NEGR1: variants seen among roughly 807,000 people sequenced by gnomAD.
The protein encoded by NEGR1 is neuronal growth regulator 1.
A neutral mutation model predicts 40.9 loss-of-function variants in NEGR1; 10 were observed. The ratio of observed to expected loss-of-function variants is 0.24; its 90% confidence interval spans 0.15 to 0.42. The LOEUF is 0.42. Among genes scored for constraint, NEGR1 ranks in the 10% least tolerant of loss-of-function variants. The pLI, the probability that NEGR1 is intolerant of heterozygous loss-of-function variation, is 1.00. For missense variants in NEGR1, 352 were observed against 438.9 expected (o/e 0.80, Z 1.77); for synonymous variants, 185 against 166.8 (o/e 1.11, Z -0.84).
intron 6 of NEGR1, among the ~76,000 whole-genome samples, chr1:71,457,937 C>T (rs1399470944): frequency 6.6e-6 from 1 of 152,004 alleles, no homozygotes; most frequent in Non-Finnish European, 1.5e-5. Context: ...CTCGTGACCT[C>T]GTGATCCGCC....
intron 6 of NEGR1, among the ~76,000 whole-genome samples, chr1:71,435,360 T>A (rs909486576): frequency 6.6e-6 from 1 of 151,994 alleles, no homozygotes; most frequent in Non-Finnish European, 1.5e-5. Context: ...AAGGGTGGTT[T>A]GATAATTTTA....
At position 71,587,696 on chromosome 1, in the gene NEGR1, C is replaced by T. The variant is rs1180497661; in HGVS notation, c.940+5121G>A. Among the ~76,000 whole-genome samples the T allele has an allele frequency of 4.0e-5, 6 of 151,014 alleles. No homozygotes were observed. In the East Asian group the frequency reaches 9.8e-4, roughly 25 times the overall value. On this transcript the variant is annotated intron_variant, in intron 6 of 6. Transcript: ENST00000357731. ...CACACACACACACACACACAGATAT[C>T]CCTATAGCATCATTAGGACTTGTAG...
At chr1:71,862,196 T>G (rs1320965983) in intron 2 of NEGR1, among the ~76,000 whole-genome samples, 2 of 152,102 alleles carry the variant, frequency 1.3e-5, no homozygotes, top group African/African-American at 4.8e-5. Context: ...CACAACATGC[T>G]GGCAAGTTTA....
At chr1:71,819,735 G>A (rs1658357704) in intron 2 of NEGR1, among the ~76,000 whole-genome samples, 1 of 151,940 alleles carries the variant, frequency 6.6e-6, no homozygotes, top group Non-Finnish European at 1.5e-5. Context: ...TCAAAGGGGG[G>A]ATAAAAAAGA....
intron 6 of NEGR1, among the ~76,000 whole-genome samples, chr1:71,537,408 G>C (rs1261760877): frequency 6.6e-6 from 1 of 151,654 alleles, no homozygotes; most frequent in African/African-American, 2.4e-5. Context: ...TAAGACTTCA[G>C]TACTAGTAGC....
At position 71,585,688 on chromosome 1, in the gene NEGR1, CTTTTTTT is replaced by C. The variant is rs563536438; in HGVS notation, c.940+7122_940+7128del. Among the ~76,000 whole-genome samples, 3 of 112,592 alleles carry C rather than the reference CTTTTTTT, an allele frequency of 2.7e-5. No individual in the cohort carries two copies. In the Admixed American group the frequency reaches 2.8e-4, roughly 10 times the overall value. The allele number at this position is 112,592 out of a possible 152,430, so 73.9% of individuals were successfully genotyped here. On this transcript the variant is annotated intron_variant, in intron 6 of 6. Transcript: ENST00000357731. ...AATTAATCTTGTACAACCTCTCCAT[CTTTTTTT>C]TTTTTTTTTTTTTTTTACTCATTAC...
chr1:71,946,731 A>G (rs1162360189), intron 1 of NEGR1, among the ~76,000 whole-genome samples: 10 of 151,646 alleles, frequency 6.6e-5, no homozygotes, highest in Admixed American at 1.3e-4. Flanking sequence ...ATACAAATCT[A>G]AGTGAAAAAA....
Position 71,539,350 on chromosome 1 carries a change from T to C in NEGR1, c.940+53467A>G, listed in dbSNP as rs370710441. Among the ~76,000 whole-genome samples the C allele has an allele frequency of 2.6e-5, 4 of 151,874 alleles. No homozygotes were observed. In the East Asian group the frequency reaches 7.8e-4, roughly 30 times the overall value. ...ATTTTTTTCCCTCAAGAAAACCATTTCTATTAATCTACTAAACAGATTGCC... is the reference window on the plus strand; with the variant it reads ...ATTTTTTTCCCTCAAGAAAACCATTCCTATTAATCTACTAAACAGATTGCC... On this transcript the variant is annotated intron_variant, in intron 6 of 6. Coordinates refer to ENST00000357731, the MANE Select transcript of NEGR1 (RefSeq NM_173808.3).
chr1:71,754,963 A>G (rs1472806409), intron 3 of NEGR1, among the ~76,000 whole-genome samples: 1 of 152,028 alleles, frequency 6.6e-6, no homozygotes, highest in Non-Finnish European at 1.5e-5. Context: ...CTTGGGACAG[A>G]TTTACATTCA....
chr1:72,263,014 C>T (rs74092121), intron 1 of NEGR1, among the ~76,000 whole-genome samples: 1,737 of 151,732 alleles, frequency 0.011, 24 homozygotes, highest in African/African-American at 0.039. Context: ...ACTAAGATTA[C>T]CATATTTTCA....
intron 1 of NEGR1, among the ~76,000 whole-genome samples, chr1:72,086,252 C>T (rs1407274232): frequency 3.9e-5 from 6 of 152,100 alleles, no homozygotes; most frequent in Admixed American, 3.9e-4. Context: ...TATGCTTTGT[C>T]AAGAGGGTGA....
rs76009045 is a variant in NEGR1 at position 71,970,643 on chromosome 1, G to A, written c.177-35332C>T. 3.3e-5 allele frequency among the ~76,000 whole-genome samples: 5 copies of A among 152,152 alleles called. No individual in the cohort carries two copies. In the East Asian group the frequency reaches 5.8e-4, roughly 18 times the overall value. The stretch of plus-strand genomic sequence containing the variant: ...CTGGAGGTTTCAGTGAGCCGAGATA[G>A]TGCCACTGCAATCCACCCTGGGCAA... On this transcript the variant is annotated intron_variant, in intron 1 of 6. Coordinates refer to ENST00000357731, the MANE Select transcript of NEGR1 (RefSeq NM_173808.3).
intron 4 of NEGR1, among the ~76,000 whole-genome samples, chr1:71,673,456 TCC>T (rs1652505257): frequency 4.4e-5 from 2 of 45,376 alleles, no homozygotes; most frequent in African/African-American, 7.2e-5. Context: ...ACAACTTGGT[TCC>T]TGCTTTTATG....
chr1:71,718,106 C>T (rs1332939801), intron 3 of NEGR1, among the ~76,000 whole-genome samples: 1 of 152,050 alleles, frequency 6.6e-6, no homozygotes, highest in Admixed American at 6.5e-5. Context: ...TTTGTAAAGG[C>T]GAATCATGGC....
At chr1:71,520,687 G>A (rs968832084) in intron 6 of NEGR1, among the ~76,000 whole-genome samples, 13 of 151,952 alleles carry the variant, frequency 8.6e-5, no homozygotes, top group Non-Finnish European at 1.5e-5. Context: ...CCTCATTTCA[G>A]CTCCTGTGCA....
chr1:71,973,246 G>A (rs1227804006), intron 1 of NEGR1, among the ~76,000 whole-genome samples: 1 of 151,496 alleles, frequency 6.6e-6, no homozygotes, highest in Admixed American at 6.6e-5. Flanking sequence ...AACACGGGAG[G>A]CAGAGCTTGC....
chr1:71,590,877 AT>A (rs1325874663), intron 6 of NEGR1, among the ~76,000 whole-genome samples: 1 of 152,126 alleles, frequency 6.6e-6, no homozygotes, highest in Non-Finnish European at 1.5e-5. Context: ...TCAATGTTTA[AT>A]TCATTTATTC....
intron 1 of NEGR1, among the ~76,000 whole-genome samples, chr1:72,062,816 C>T (rs1362676677): frequency 1.3e-5 from 2 of 151,882 alleles, no homozygotes; most frequent in African/African-American, 4.8e-5. Context: ...CCCAAGATAG[C>T]TTGTCTTGCA....
At chr1:71,602,551 G>A (rs1649961109) in intron 5 of NEGR1, among the ~76,000 whole-genome samples, 1 of 152,020 alleles carries the variant, frequency 6.6e-6, no homozygotes, top group African/African-American at 2.4e-5. Context: ...GCGCCCGGCC[G>A]CCCATGATTA....
Sources: gnomAD v4.1 joint callset for allele counts (sites outside exome capture counted in the v4.1 genomes callset) on GRCh38, gnomAD v4.1.1 for gene constraint, MANE v1.5 for transcripts, NCBI Gene and HGNC (gene_info 2026-07-23, HGNC 2026-07-21) for gene names.